ZNF773: variants seen among roughly 807,000 people sequenced by gnomAD.
The protein encoded by ZNF773 is zinc finger protein 773, also known as zinc finger protein 419B.
A neutral mutation model predicts 12.8 loss-of-function variants in ZNF773; 11 were observed. The ratio of observed to expected loss-of-function variants is 0.86; its 90% CI spans 0.54 to 1.42. The LOEUF is 1.42. Ranked by LOEUF, ZNF773 falls within the 40% of genes most tolerant of loss-of-function variation. The probability of loss-of-function intolerance (pLI) is 0.00; values close to 1 mark genes in which losing one functional copy is unlikely to be tolerated. For missense variants in ZNF773, 518 were observed against 527.2 expected (o/e 0.98, Z 0.17); for synonymous variants, 175 against 178.4 (o/e 0.98, Z 0.15).
downstream of ZNF773, chr19:57,515,114 A>G (rs2089823807): frequency 6.6e-6 from 1 of 152,242 alleles, no homozygotes; most frequent in Non-Finnish European, 1.5e-5. Context: ...AAATGTAGCC[A>G]GTCACATTGA....
At chr19:57,504,307 T>G (rs2089702299) in intron 1 of ZNF773, among the ~76,000 whole-genome samples, 1 of 152,094 alleles carries the variant, frequency 6.6e-6, no homozygotes, top group Non-Finnish European at 1.5e-5. Flanking sequence ...TTCTAATGAG[T>G]GTAAACAGAT....
chr19:57,517,161 C>T (rs1431534639), downstream of ZNF773: 4 of 152,164 alleles, frequency 2.6e-5, no homozygotes, highest in East Asian at 3.9e-4. Flanking sequence ...ATTTTTAATC[C>T]GTATGTTTTT....
intron 3 of ZNF773, among the ~76,000 whole-genome samples, chr19:57,505,989 A>T (rs368727303): frequency 2.0e-5 from 3 of 152,240 alleles, no homozygotes; most frequent in Admixed American, 6.5e-5. Flanking sequence ...GATTACAGGC[A>T]TGAGGCACCG....
downstream of ZNF773, chr19:57,516,654 A>G (rs1375137099): frequency 6.6e-6 from 1 of 152,224 alleles, no homozygotes; most frequent in African/African-American, 2.4e-5. Flanking sequence ...CCTTAGCTCT[A>G]TTAATATTAC....
downstream of ZNF773, chr19:57,517,087 T>C (rs2089836658): frequency 6.6e-6 from 1 of 152,234 alleles, no homozygotes; most frequent in Non-Finnish European, 1.5e-5. Flanking sequence ...ATAATAGTAA[T>C]AATGCTCAAT....
At chr19:57,513,364 T>C (rs977152200), downstream of ZNF773, 1 of 259,092 alleles carries the variant, frequency 3.9e-6, no homozygotes, top group Non-Finnish European at 7.3e-6. Flanking sequence ...ACTCTTGATG[T>C]GGAAAACTGG....
In ZNF773 at chr19:57,506,599, T is replaced by A; in HGVS notation, c.504T>A (p.Thr168=). The change falls in exon 4 of 4, where the codon ACT becomes ACA. Residue 168 remains threonine (T), a synonymous_variant. Transcript: ENST00000282292. ...TSSGVLKHQV[T]HTGEKSHRSS... The stretch of plus-strand genomic sequence containing the variant: ...CAGGTGTTCTCAAGCACCAGGTGAC[T>A]CACACGGGAGAGAAGTCACATAGGA... The A allele has an allele frequency of 6.2e-7, 1 of 1,614,196 alleles. No homozygotes were observed. The highest frequency in any genetic ancestry group is 8.5e-7 in the Non-Finnish European group (1 of 1,180,032).
chr19:57,508,582 T>C (rs1303519581), downstream of ZNF773: 6 of 698,964 alleles, frequency 8.6e-6, no homozygotes, highest in East Asian at 1.3e-4. Flanking sequence ...GATCCAAATG[T>C]TTCAAATTTT....
downstream of ZNF773, chr19:57,514,250 T>C (rs1339853882): frequency 6.6e-6 from 1 of 152,242 alleles, no homozygotes; most frequent in Non-Finnish European, 1.5e-5. Context: ...ACTTAGGCAC[T>C]ATTATTACTG....
downstream of ZNF773, chr19:57,517,357 C>T (rs545185581): frequency 3.0e-4 from 46 of 152,264 alleles, no homozygotes; most frequent in African/African-American, 9.4e-4. Flanking sequence ...AGGCCACCCC[C>T]GCTTTACATT....
chr19:57,505,368 C>T lies in ZNF773; in HGVS notation c.230C>T (p.Ala77Val). The change falls in exon 3 of 4, where the codon GCT becomes GTT. Residue 77 changes from alanine to valine, a missense_variant. Coordinates refer to ENST00000282292, the MANE Select transcript of ZNF773 (RefSeq NM_198542.3). ...TCATGGGAGGAGCCCTTCATGCCTG[C>T]TTGGGAAGTTGTGACTTCAGCCATA... is the stretch of plus-strand genomic sequence containing the variant. ...LESWEEPFMP[A>V]WEVVTSAILR... is the part of the protein sequence containing the mutation. The T allele has an allele frequency of 6.2e-7, 1 of 1,614,128 alleles. No homozygotes were observed. The highest frequency in any genetic ancestry group is 8.5e-7 in the Non-Finnish European group (1 of 1,180,032).
In ZNF773 at chr19:57,505,003, G is replaced by C. The variant is rs2089713085; in HGVS notation, c.163+217G>C. 2.3e-5 allele frequency: 19 copies of C among 809,112 alleles called. No homozygotes were observed. The South Asian group carries it at 2.6e-4, about 11-fold the overall frequency. The allele number at this position is 809,112 out of a possible 1,614,324, so 50.1% of individuals were successfully genotyped here. A position where few individuals can be genotyped will look rare whatever the true frequency, so the allele number is the denominator to read the frequency against. The stretch of plus-strand genomic sequence containing the variant: ...GTGCAGGAAAGGGTTTGGGGGTCAG[G>C]AGTCTTGCAGTCAGCTTGATGGATC... On this transcript the variant is annotated intron_variant, in intron 2 of 3. Transcript: ENST00000282292.
At chr19:57,506,220 C>G in intron 3 of ZNF773, 138 bp from the exon 4 acceptor site, 1 of 1,397,064 alleles carries the variant, frequency 7.2e-7, no homozygotes. Context: ...ACAGCAGGCC[C>G]TTCCCCACCA....
Position 57,505,373 on chromosome 19 carries a change from G to A in ZNF773, c.235G>A (p.Glu79Lys). The change falls in exon 3 of 4, where the codon GAA (glutamate) becomes AAA (lysine). Residue 79 changes from glutamate to lysine, a missense_variant. Coordinates refer to ENST00000282292, the MANE Select transcript of ZNF773 (RefSeq NM_198542.3). ...SWEEPFMPAW[E>K]VVTSAILRGS... ...GGAGGAGCCCTTCATGCCTGCTTGGGAAGTTGTGACTTCAGCCATACTGAG... is the reference window on the plus strand; with the variant it reads ...GGAGGAGCCCTTCATGCCTGCTTGGAAAGTTGTGACTTCAGCCATACTGAG... 1 of 1,614,136 alleles carries A rather than the reference G, an allele frequency of 6.2e-7. No individual in the cohort carries two copies. The highest frequency in any genetic ancestry group is 8.5e-7 in the Non-Finnish European group (1 of 1,180,030).
intron 1 of ZNF773, among the ~76,000 whole-genome samples, chr19:57,501,064 G>A (rs1197981633): frequency 6.6e-6 from 1 of 152,132 alleles, no homozygotes; most frequent in Non-Finnish European, 1.5e-5. Context: ...TCCAGGCTTA[G>A]TAGTTCCTCA....
chr19:57,517,333 G>C (rs8109863), downstream of ZNF773: 55,235 of 151,586 alleles, frequency 0.36, 10,364 homozygotes, highest in East Asian at 0.62. Context: ...CTGTAAATCT[G>C]TCCGAGCCTT....
Position 57,506,795 on chromosome 19 carries a change from C to G in ZNF773, c.700C>G (p.Leu234Val), listed in dbSNP as rs147849622. 7 of 1,614,100 alleles carry G rather than the reference C, an allele frequency of 4.3e-6. No homozygotes were observed. The African/African-American group carries it at 8.0e-5, about 18-fold the overall frequency. Residue 234 changes from leucine (L) to valine (V), a missense_variant, in exon 4 of 4, where the codon CTT (leucine) becomes GTT (valine). Leu to Val is a conservative substitution (Grantham distance 32). Coordinates refer to ENST00000282292, the MANE Select transcript of ZNF773 (RefSeq NM_198542.3). ...CGKLFSHKSN[L>V]FIHQIVHTGE... is the part of the protein sequence containing the mutation. ...GAAGTTATTTAGCCATAAGTCCAAC[C>G]TTTTTATACACCAAATAGTTCACAC...
intron 3 of ZNF773, among the ~76,000 whole-genome samples, chr19:57,505,695 A>C (rs1370159015): frequency 4.8e-5 from 7 of 144,986 alleles, no homozygotes; most frequent in South Asian, 2.2e-4. Context: ...TTGGACACCA[A>C]CTATTTCATT....
chr19:57,508,287 C>A (rs577245413), downstream of ZNF773: 7 of 1,211,624 alleles, frequency 5.8e-6, no homozygotes, highest in Non-Finnish European at 1.0e-6. Context: ...GAGAAAATAG[C>A]CCTCTGTCTT....
Sources: allele counts gnomAD v4.1 joint callset (sites outside exome capture counted in the v4.1 genomes callset), GRCh38; gene constraint gnomAD v4.1.1; transcripts MANE v1.5; gene names NCBI Gene and HGNC (gene_info 2026-07-23, HGNC 2026-07-21).